Variants in ZNF780B observed in about 807,000 individuals in gnomAD.
The protein encoded by ZNF780B is zinc finger protein 779.
ZNF780B carries 52 observed loss-of-function variants against 74.1 expected under a neutral mutation model. The observed-to-expected ratio is 0.70, with a 90% CI of 0.56 to 0.88. ZNF780B has a LOEUF of 0.88. Ranked by LOEUF, ZNF780B falls within the 40% of genes least tolerant of loss-of-function variation. The probability of loss-of-function intolerance (pLI) is 0.00; values close to 1 mark genes in which losing one functional copy is unlikely to be tolerated. For synonymous variants in ZNF780B, 315 were observed against 324.3 expected, an observed-to-expected ratio of 0.97 and a Z score of 0.31; for missense variants, 953 against 1,007.6, an observed-to-expected ratio of 0.95 and a Z score of 0.73.
In ZNF780B at chr19:40,034,589, T is replaced by C. The variant is rs1410812238; in HGVS notation, c.2270A>G (p.Glu757Gly). The C allele has an allele frequency of 3.7e-6, 6 of 1,614,008 alleles. No homozygotes were observed. The highest frequency in any genetic ancestry group is 5.1e-6 in the Non-Finnish European group (6 of 1,179,986). ...GCCACGATTAAAGGCCTTCCCACAC[T>C]CCTTACATTTAAATGGCTTCTCACC... ...HTGEKPFKCK[E>G]CGKAFNRGSN... The change falls in exon 5 of 5, where the codon GAG (glutamate) becomes GGG (glycine). Residue 757 changes from glutamate to glycine, a missense_variant. Glu to Gly is a moderately conservative substitution (Grantham distance 98, BLOSUM62 -2). Coordinates refer to ENST00000434248, the MANE Select transcript of ZNF780B (RefSeq NM_001005851.3).
rs1341694786 is a variant in ZNF780B at position 40,030,559 on chromosome 19, A to G, written c.*3798T>C. ...AAAGCTGAAAATTATAAGTCAAACCATTTTAAGTTGGGGATTACAGGCGTG... is the reference window on the plus strand; with the variant it reads ...AAAGCTGAAAATTATAAGTCAAACCGTTTTAAGTTGGGGATTACAGGCGTG... On this transcript the variant is annotated 3_prime_UTR_variant, in exon 5 of 5. Coordinates refer to ENST00000434248, the MANE Select transcript of ZNF780B (RefSeq NM_001005851.3). 6.6e-6 allele frequency: 1 copy of G among 152,164 alleles called. No homozygotes were observed. Among genetic ancestry groups the G allele is most frequent in the Admixed American group, 6.5e-5 (1 of 15,282 alleles). 9.4% of individuals were successfully genotyped at this position (152,164 alleles called of 1,614,324 possible).
At chr19:40,053,522 A>C (rs1018813913) in intron 1 of ZNF780B, among the ~76,000 whole-genome samples, 9 of 152,340 alleles carry the variant, frequency 5.9e-5, no homozygotes, top group African/African-American at 2.2e-4. Flanking sequence ...AAAATTAGAA[A>C]TAGAACCACC....
intron 1 of ZNF780B, among the ~76,000 whole-genome samples, chr19:40,052,784 A>G (rs1440135134): frequency 6.6e-6 from 1 of 152,146 alleles, no homozygotes. Context: ...ATAAATCCAT[A>G]TGTTTACAAC....
rs748228636 is a variant in ZNF780B at position 40,034,180 on chromosome 19, G to C, written c.*177C>G. ...AAGGCTTTCCCACATTCTTCACATT[G>C]ATATGGTTTCTCACCAGTATGAATT... On this transcript the variant is annotated 3_prime_UTR_variant, in exon 5 of 5. Coordinates refer to ENST00000434248, the MANE Select transcript of ZNF780B (RefSeq NM_001005851.3). 204 of 666,804 alleles carry C rather than the reference G, an allele frequency of 3.1e-4. No individual in the cohort carries two copies. The highest frequency in any genetic ancestry group is 1.8e-5 in the African/African-American group (1 of 55,062). The allele number at this position is 666,804 out of a possible 1,614,324, so 41.3% of individuals were successfully genotyped here.
Position 40,034,607 on chromosome 19 carries a change from T to A in ZNF780B, c.2252A>T (p.Lys751Met). 6.2e-7 allele frequency: 1 copy of A among 1,614,070 alleles called. No homozygotes were observed. Among genetic ancestry groups the A allele is most frequent in the East Asian group, 2.2e-5 (1 of 44,862 alleles). ...AQHQIIHTGE[K>M]PFKCKECGKA... The stretch of plus-strand genomic sequence containing the variant: ...CCCACACTCCTTACATTTAAATGGC[T>A]TCTCACCAGTATGAATGATCTGATG... The change falls in exon 5 of 5, where the codon AAG (lysine) becomes ATG (methionine). Residue 751 changes from lysine (K) to methionine (M), a missense_variant. Coordinates refer to ENST00000434248, the MANE Select transcript of ZNF780B (RefSeq NM_001005851.3).
chr19:40,047,287 C>T (rs979776231), intron 4 of ZNF780B, 88 bp downstream of exon 4: 19 of 1,202,272 alleles, frequency 1.6e-5, no homozygotes, highest in Non-Finnish European at 2.2e-5. Context: ...GTTTTCCAAA[C>T]CACATCTCAG....
chr19:40,038,498 C>T (rs1205476070), intron 4 of ZNF780B, among the ~76,000 whole-genome samples: 1 of 148,768 alleles, frequency 6.7e-6, no homozygotes, highest in African/African-American at 2.5e-5. Flanking sequence ...ACACTGCCTT[C>T]CACAATGGTT....
rs1972007335 is a variant in ZNF780B at position 40,031,710 on chromosome 19, A to G, written c.*2647T>C. The G allele has an allele frequency of 4.6e-6, 1 of 217,456 alleles. No individual in the cohort carries two copies. The highest frequency in any genetic ancestry group is 5.1e-5 in the Admixed American group (1 of 19,742). The allele number at this position is 217,456 out of a possible 1,614,324, so 13.5% of individuals were successfully genotyped here. A position where few individuals can be genotyped will look rare whatever the true frequency, so the allele number is the denominator to read the frequency against. On this transcript the variant is annotated 3_prime_UTR_variant, in exon 5 of 5. Transcript: ENST00000434248. Reference sequence around the variant, plus strand: ...TTTTGTACTGAGTACAGTGTCAGCCATATCACACAAGTTGAATTATGTTGA... The same window carrying G: ...TTTTGTACTGAGTACAGTGTCAGCCGTATCACACAAGTTGAATTATGTTGA...
chr19:40,055,882 G>T (rs1973475840), intron 1 of ZNF780B, among the ~76,000 whole-genome samples: 1 of 152,152 alleles, frequency 6.6e-6, no homozygotes, highest in Non-Finnish European at 1.5e-5. Context: ...TAGTACCACC[G>T]GCACAGTGAC....
chr19:40,043,661 G>A (rs1972780757), intron 4 of ZNF780B, among the ~76,000 whole-genome samples: 2 of 152,230 alleles, frequency 1.3e-5, no homozygotes, highest in South Asian at 4.1e-4. Flanking sequence ...CAAGACAGTT[G>A]TGCTAGCAAT....
rs1971985055 is a variant in ZNF780B at position 40,031,182 on chromosome 19, A to G, written c.*3175T>C. On this transcript the variant is annotated 3_prime_UTR_variant, in exon 5 of 5. Transcript: ENST00000434248. Reference sequence around the variant, plus strand: ...AAAGGATTATTCTTAATCTTAAAAAAAATTTAATCTAATTCATGATGCCAC... The same window carrying G: ...AAAGGATTATTCTTAATCTTAAAAAGAATTTAATCTAATTCATGATGCCAC... 1 of 152,218 alleles carries G rather than the reference A, an allele frequency of 6.6e-6. No homozygotes were observed. The highest frequency in any genetic ancestry group is 1.5e-5 in the Non-Finnish European group (1 of 68,038). 9.4% of individuals were successfully genotyped at this position (152,218 alleles called of 1,614,324 possible). A position where few individuals can be genotyped will look rare whatever the true frequency, so the allele number is the denominator to read the frequency against.
chr19:40,038,505 G>A (rs1972466974), intron 4 of ZNF780B, among the ~76,000 whole-genome samples: 1 of 148,220 alleles, frequency 6.7e-6, no homozygotes. Flanking sequence ...CTTCCACAAT[G>A]GTTGAACTAG....
Position 40,034,878 on chromosome 19 carries a change from T to G in ZNF780B, c.1981A>C (p.Ser661Arg), listed in dbSNP as rs754429175. 1 of 1,614,076 alleles carries G rather than the reference T, an allele frequency of 6.2e-7. No homozygotes were observed. Among genetic ancestry groups the G allele is most frequent in the Non-Finnish European group, 8.5e-7 (1 of 1,179,994 alleles). ...NRVSNLVQHQ[S>R]IHAGVKPYEC... The stretch of plus-strand genomic sequence containing the variant: ...TATGGTTTTACACCAGCATGAATAC[T>G]CTGATGTTGAACAAGGTTTGAGACA... The change falls in exon 5 of 5, where the codon AGT becomes CGT. Residue 661 changes from serine (S) to arginine (R), a missense_variant. Transcript: ENST00000434248.
chr19:40,048,707 A>G lies in ZNF780B; in HGVS notation c.99T>C (p.Asp33=), dbSNP rs372181308. 2.1e-4 allele frequency: 341 copies of G among 1,614,146 alleles called. 1 individual carries two copies. The African/African-American group carries it at 4.1e-3, about 19-fold the overall frequency. ...GGTGGCTGTAGTTCTCCAACATCAC[A>G]TCCCTGTACAAGGTCCTCTGATCAG... ...LQPDQRTLYR[D]VMLENYSHLI... Residue 33 remains aspartate (D), a synonymous_variant, in exon 3 of 5, where the codon GAT becomes GAC. Coordinates refer to ENST00000434248, the MANE Select transcript of ZNF780B (RefSeq NM_001005851.3).
chr19:40,044,903 G>C (rs1972861110), intron 4 of ZNF780B, among the ~76,000 whole-genome samples: 2 of 152,118 alleles, frequency 1.3e-5, no homozygotes, highest in South Asian at 2.1e-4. Flanking sequence ...ATACAGACGG[G>C]CTGAATGGAT....
Position 40,028,335 on chromosome 19 carries a change from C to T in ZNF780B, c.*6022G>A, listed in dbSNP as rs1235955476. The stretch of plus-strand genomic sequence containing the variant: ...CATCTACCATCCAGAAGTGGAACTA[C>T]ATATAGTCATTTAACAATAGTTTAG... On this transcript the variant is annotated 3_prime_UTR_variant, in exon 5 of 5. Coordinates refer to ENST00000434248, the MANE Select transcript of ZNF780B (RefSeq NM_001005851.3). 1 of 152,044 alleles carries T rather than the reference C, an allele frequency of 6.6e-6. No homozygotes were observed. The highest frequency in any genetic ancestry group is 1.5e-5 in the Non-Finnish European group (1 of 68,010). The allele number at this position is 152,044 out of a possible 1,614,324, so 9.4% of individuals were successfully genotyped here.
Position 40,034,377 on chromosome 19 carries a change from T to A in ZNF780B, c.2482A>T (p.Arg828Ter), listed in dbSNP as rs1972125805. The A allele has an allele frequency of 6.2e-7, 1 of 1,607,404 alleles. No homozygotes were observed. Among genetic ancestry groups the A allele is most frequent in the African/African-American group, 1.3e-5 (1 of 74,642 alleles). ...SDISSNLLNIRKFILG is the reference protein window; with the variant it reads ...SDISSNLLNI The stretch of plus-strand genomic sequence containing the variant: ...GGTTTTCACCCAAGTATGAATTTTC[T>A]GATGTTCAGTAAGTTGCTACTGATG... The change falls in exon 5 of 5, where the codon AGA (arginine) becomes TGA (stop). Residue 828 changes from arginine to a stop codon, truncating the protein, a stop_gained. Coordinates refer to ENST00000434248, the MANE Select transcript of ZNF780B (RefSeq NM_001005851.3). LOFTEE classifies it high-confidence loss of function.
intron 4 of ZNF780B, among the ~76,000 whole-genome samples, chr19:40,044,306 ACAAAAAGG>A (rs1972827317): frequency 1.3e-5 from 2 of 152,228 alleles, no homozygotes; most frequent in African/African-American, 4.8e-5. Context: ...TAGATACAAT[ACAAAAAGG>A]TCTTCTCCAT....
Position 40,034,276 on chromosome 19 carries a change from C to A in ZNF780B, c.*81G>T, listed in dbSNP as rs1972119445. On this transcript the variant is annotated 3_prime_UTR_variant, in exon 5 of 5. Coordinates refer to ENST00000434248, the MANE Select transcript of ZNF780B (RefSeq NM_001005851.3). Reference sequence around the variant, plus strand: ...CATCCTTGACATTCATAAGGGTTCTCACGAATATGAAATCTATAATGTCCA... The same window carrying A: ...CATCCTTGACATTCATAAGGGTTCTAACGAATATGAAATCTATAATGTCCA... The A allele has an allele frequency of 8.3e-7, 1 of 1,211,204 alleles. No homozygotes were observed. The highest frequency in any genetic ancestry group is 1.5e-5 in the African/African-American group (1 of 65,870). The allele number at this position is 1,211,204 out of a possible 1,614,324, so 75.0% of individuals were successfully genotyped here.
Sources: gnomAD v4.1 joint callset for allele counts (sites outside exome capture counted in the v4.1 genomes callset) on GRCh38, gnomAD v4.1.1 for gene constraint, MANE v1.5 for transcripts, NCBI Gene and HGNC (gene_info 2026-07-23, HGNC 2026-07-21) for gene names.